The following KCNQ5 variants were observed in gnomAD, a reference collection of about 807,000 sequenced individuals.
The protein encoded by KCNQ5 is potassium voltage-gated channel subfamily KQT member 5.
KCNQ5 carries 30 observed loss-of-function variants against 98.2 expected under a neutral mutation model. The ratio of observed to expected loss-of-function variants is 0.31; its 90% CI spans 0.23 to 0.41. The LOEUF is 0.41. KCNQ5 is among the 10% of genes least tolerant of loss of function. KCNQ5 has a pLI of 1.00. For missense variants in KCNQ5, 835 were observed against 1,182.5 expected (o/e 0.71, Z 4.31); for synonymous variants, 458 against 449.4 (o/e 1.02, Z -0.24).
chr6:72,761,875 A>G lies in KCNQ5; in HGVS notation c.398+139288A>G, dbSNP rs570289464. 2.6e-5 allele frequency among the ~76,000 whole-genome samples: 4 copies of G among 152,206 alleles called. No individual in the cohort carries two copies. The South Asian group carries it at 8.3e-4, about 32-fold the overall frequency. ...CAGATAGCAGGAGTAGTGGCTAGAA[A>G]CAAACCTTTGATACGTAGAAGTCCC... On this transcript the variant is annotated intron_variant, in intron 1 of 13. Coordinates refer to ENST00000370398, the MANE Select transcript of KCNQ5 (RefSeq NM_019842.4).
chr6:72,836,298 G>A (rs1484449303), intron 1 of KCNQ5, among the ~76,000 whole-genome samples: 1 of 152,050 alleles, frequency 6.6e-6, no homozygotes, highest in Non-Finnish European at 1.5e-5. Context: ...TTATTAGATG[G>A]CAGATAGAAA....
At chr6:72,737,009 G>A (rs1770884420) in intron 1 of KCNQ5, among the ~76,000 whole-genome samples, 2 of 151,872 alleles carry the variant, frequency 1.3e-5, no homozygotes, top group South Asian at 4.2e-4. Flanking sequence ...CGCCCAGGCT[G>A]GGGAACAGTG....
In KCNQ5 at chr6:72,951,763, G is replaced by A. The variant is rs184303127; in HGVS notation, c.399-52145G>A. Among the ~76,000 whole-genome samples the A allele has an allele frequency of 3.3e-5, 5 of 152,156 alleles. No individual in the cohort carries two copies. In the East Asian group the frequency reaches 9.6e-4, roughly 29 times the overall value. On this transcript the variant is annotated intron_variant, in intron 1 of 13. Coordinates refer to ENST00000370398, the MANE Select transcript of KCNQ5 (RefSeq NM_019842.4). ...ATCCTATAGAAGAGATACTTTCTTA[G>A]GGATGAGAATTATGTATTACGTACT...
At chr6:72,705,896 G>A (rs1394234391) in intron 1 of KCNQ5, among the ~76,000 whole-genome samples, 3 of 151,838 alleles carry the variant, frequency 2.0e-5, no homozygotes, top group African/African-American at 7.2e-5. Flanking sequence ...ATTTTTTTGG[G>A]TATTGCTTCT....
At chr6:72,784,030 A>G (rs757182254) in intron 1 of KCNQ5, among the ~76,000 whole-genome samples, 4 of 152,204 alleles carry the variant, frequency 2.6e-5, no homozygotes, top group Non-Finnish European at 4.4e-5. Context: ...TGGAGGTAAC[A>G]TTCACATTCC....
intron 1 of KCNQ5, among the ~76,000 whole-genome samples, chr6:72,922,670 A>G (rs1239377617): frequency 6.6e-6 from 1 of 152,000 alleles, no homozygotes. Context: ...TTTGCTTTCT[A>G]TGCCTGGTTT....
At chr6:73,125,203 A>C (rs1038238063) in intron 9 of KCNQ5, among the ~76,000 whole-genome samples, 2 of 151,468 alleles carry the variant, frequency 1.3e-5, no homozygotes, top group Non-Finnish European at 2.9e-5. Flanking sequence ...AAATTCCCCA[A>C]ATAATTTATT....
chr6:72,920,902 A>G (rs1290351261), intron 1 of KCNQ5, among the ~76,000 whole-genome samples: 1 of 152,120 alleles, frequency 6.6e-6, no homozygotes, highest in African/African-American at 2.4e-5. Flanking sequence ...GTTGCGTTCA[A>G]TTGGGAACAA....
chr6:72,928,132 T>G (rs933714269), intron 1 of KCNQ5, among the ~76,000 whole-genome samples: 1 of 152,108 alleles, frequency 6.6e-6, no homozygotes, highest in African/African-American at 2.4e-5. Context: ...AAGAAACCCG[T>G]GTTTTCATGT....
At chr6:72,949,761 T>A (rs1298658511) in intron 1 of KCNQ5, among the ~76,000 whole-genome samples, 1 of 152,194 alleles carries the variant, frequency 6.6e-6, no homozygotes, top group African/African-American at 2.4e-5. Flanking sequence ...CATAAATCAT[T>A]ATGGGAATAA....
chr6:72,622,532 C>T lies in KCNQ5; in HGVS notation c.343C>T (p.Leu115=), dbSNP rs768431385. 2 of 1,611,230 alleles carry T rather than the reference C, an allele frequency of 1.2e-6. No homozygotes were observed. The highest frequency in any genetic ancestry group is 1.7e-6 in the Non-Finnish European group (2 of 1,179,086). Residue 115 remains leucine, a synonymous_variant, in exon 1 of 14, where the codon CTG becomes TTG. Coordinates refer to ENST00000370398, the MANE Select transcript of KCNQ5 (RefSeq NM_019842.4). This position sits in a 1 kb window ranked among gnomAD's most constrained non-coding sequence, Gnocchi z 6.0. ...NVKYRRVQNY[L]YNVLERPRGW... is the part of the protein sequence containing the mutation. Reference sequence around the variant, plus strand: ...CAAGTACCGGCGGGTGCAGAACTACCTGTACAACGTGCTGGAGAGACCCCG... The same window carrying T: ...CAAGTACCGGCGGGTGCAGAACTACTTGTACAACGTGCTGGAGAGACCCCG...
Position 72,976,026 on chromosome 6 carries a change from A to G in KCNQ5, c.399-27882A>G, listed in dbSNP as rs1768146161. 2.6e-5 allele frequency among the ~76,000 whole-genome samples: 4 copies of G among 152,192 alleles called. No homozygotes were observed. The South Asian group carries it at 8.3e-4, about 32-fold the overall frequency. On this transcript the variant is annotated intron_variant, in intron 1 of 13. Coordinates refer to ENST00000370398, the MANE Select transcript of KCNQ5 (RefSeq NM_019842.4). ...ATTCATAATTGATTTTTATTAGCAA[A>G]TATAGTACTTTGAAATAGCTTTTTA...
rs1562232100 is a variant in KCNQ5 at position 73,197,628 on chromosome 6, CA to C, written c.*2215del. 1.4e-4 allele frequency: 16 copies of C among 116,292 alleles called. No homozygotes were observed. Among genetic ancestry groups the C allele is most frequent in the African/African-American group, 3.3e-4 (11 of 33,572 alleles). The allele number at this position is 116,292 out of a possible 1,614,324, so 7.2% of individuals were successfully genotyped here. A position where few individuals can be genotyped will look rare whatever the true frequency, so the allele number is the denominator to read the frequency against. On this transcript the variant is annotated 3_prime_UTR_variant, in exon 14 of 14. Transcript: ENST00000370398. ...ACACACACACACACACACACACACA[CA>C]CACACACACACACCCCTCCACTGAC...
At chr6:73,075,445 T>A (rs781295147) in intron 3 of KCNQ5, among the ~76,000 whole-genome samples, 5 of 152,178 alleles carry the variant, frequency 3.3e-5, no homozygotes, top group East Asian at 3.9e-4. Context: ...ATGGTCTCGA[T>A]CTCCTGACCT....
intron 1 of KCNQ5, among the ~76,000 whole-genome samples, chr6:72,869,320 T>C (rs1262914022): frequency 6.6e-6 from 1 of 152,154 alleles, no homozygotes; most frequent in African/African-American, 2.4e-5. Flanking sequence ...GGATCTGAGC[T>C]TGGGGCCGAT....
At chr6:72,776,467 G>A (rs1293403313) in intron 1 of KCNQ5, among the ~76,000 whole-genome samples, 2 of 152,150 alleles carry the variant, frequency 1.3e-5, no homozygotes, top group Non-Finnish European at 2.9e-5. Flanking sequence ...AGAGATGAGT[G>A]ATGAAATAGG....
chr6:72,681,192 G>T (rs562153326), intron 1 of KCNQ5, among the ~76,000 whole-genome samples: 1 of 152,224 alleles, frequency 6.6e-6, no homozygotes, highest in Non-Finnish European at 1.5e-5. Context: ...GACGTGAGAA[G>T]AAAGCAATGG....
chr6:72,824,935 C>T (rs970727365), intron 1 of KCNQ5, among the ~76,000 whole-genome samples: 1 of 152,004 alleles, frequency 6.6e-6, no homozygotes. Context: ...TTTCAAAGCA[C>T]CTTTATAGCC....
At chr6:73,161,352 A>G (rs1359262369) in intron 10 of KCNQ5, among the ~76,000 whole-genome samples, 2 of 152,238 alleles carry the variant, frequency 1.3e-5, no homozygotes, top group African/African-American at 4.8e-5. Context: ...GAGGTTAATT[A>G]ATGGCTACAG....
Sources: gnomAD v4.1 joint callset for allele counts (sites outside exome capture counted in the v4.1 genomes callset) on GRCh38, gnomAD v4.1.1 for gene constraint, Gnocchi (gnomAD v3.1) non-coding constraint, MANE v1.5 for transcripts, NCBI Gene and HGNC (gene_info 2026-07-23, HGNC 2026-07-21) for gene names.